NSMCE4A: variants seen among roughly 807,000 people sequenced by gnomAD.
The protein encoded by NSMCE4A is NSE4A component of SMC5/6 complex, also known as non-structural maintenance of chromosomes element 4 homolog A.
In NSMCE4A, 40 loss-of-function variants were observed where a neutral mutation model predicts 47.9. The ratio of observed to expected loss-of-function variants is 0.83; its 90% CI spans 0.65 to 1.09. The LOEUF is 1.09. NSMCE4A is among the 50% of genes least tolerant of loss of function. The pLI, the probability that NSMCE4A is intolerant of heterozygous loss-of-function variation, is 0.00. For synonymous variants in NSMCE4A, 166 were observed against 178.5 expected (o/e 0.93, Z 0.56); for missense variants, 500 against 507.0 (o/e 0.99, Z 0.13).
At chr10:121,973,502 A>T (rs1411135636) in intron 2 of NSMCE4A, among the ~76,000 whole-genome samples, 4 of 151,942 alleles carry the variant, frequency 2.6e-5, no homozygotes, top group African/African-American at 2.4e-5. Context: ...TCTCTCACTC[A>T]CTCACTCACA....
chr10:121,962,832 G>A (rs987922354), intron 6 of NSMCE4A, among the ~76,000 whole-genome samples: 6 of 151,962 alleles, frequency 3.9e-5, no homozygotes, highest in East Asian at 1.9e-4. Context: ...GGCGGGTATC[G>A]AACTCCCAAC....
Position 121,975,057 on chromosome 10 carries a change from TG to T in NSMCE4A, c.108del (p.Arg37GlyfsTer31). On this transcript the variant is annotated frameshift_variant, in exon 1 of 11. Coordinates refer to ENST00000369023, the MANE Select transcript of NSMCE4A (RefSeq NM_017615.3). LOFTEE classifies it high-confidence loss of function. ...SRSRSRSPLS[P>X]RSRRGSARER... ...TCCCGCGCAGAGCCGCGGCGGGACCTGGGCGACAAAGGGGACCGCGAGCGGG... is the reference window on the plus strand; with the variant it reads ...TCCCGCGCAGAGCCGCGGCGGGACCTGGCGACAAAGGGGACCGCGAGCGGG... The T allele has an allele frequency of 6.8e-7, 1 of 1,460,152 alleles. No homozygotes were observed. Among genetic ancestry groups the T allele is most frequent in the Non-Finnish European group, 9.0e-7 (1 of 1,114,710 alleles). The allele number at this position is 1,460,152 out of a possible 1,614,324, so 90.4% of individuals were successfully genotyped here.
At chr10:121,963,597 A>ATT (rs34978817) in intron 5 of NSMCE4A, among the ~76,000 whole-genome samples, 23 of 148,538 alleles carry the variant, frequency 1.5e-4, no homozygotes, top group South Asian at 4.3e-4. Flanking sequence ...CACCTGGCTA[A>ATT]TTTTTTTTTT....
chr10:121,967,546 G>A (rs940238222), intron 4 of NSMCE4A, 109 bp downstream of exon 4: 15 of 1,179,246 alleles, frequency 1.3e-5, no homozygotes, highest in African/African-American at 6.2e-5. Context: ...TCCAAACAAC[G>A]GCATCATGAC....
intron 5 of NSMCE4A, 78 bp downstream of exon 5, chr10:121,965,208 G>T: frequency 3.0e-6 from 3 of 1,003,932 alleles, no homozygotes; most frequent in South Asian, 1.5e-5. Flanking sequence ...AGAAAAAATG[G>T]CCAAATTGCA....
chr10:121,960,393 C>T lies in NSMCE4A; in HGVS notation c.953G>A (p.Arg318Lys). 2 of 1,503,436 alleles carry T rather than the reference C, an allele frequency of 1.3e-6. No homozygotes were observed. Among genetic ancestry groups the T allele is most frequent in the Non-Finnish European group, 8.8e-7 (1 of 1,139,890 alleles). 93.1% of individuals were successfully genotyped at this position (1,503,436 alleles called of 1,614,324 possible). The change falls in exon 8 of 11, where the codon AGA (arginine) becomes AAA (lysine). Residue 318 changes from arginine (R) to lysine (K), a missense_variant. Coordinates refer to ENST00000369023, the MANE Select transcript of NSMCE4A (RefSeq NM_017615.3). This position sits in a 1 kb window ranked among gnomAD's most constrained non-coding sequence, Gnocchi z 4.2. The stretch of plus-strand genomic sequence containing the variant: ...CAGTCGGTCTTGGTCAAGTCTTATT[C>T]TTGCAAAACCATCCTAAAACGAAAA... Reference protein sequence around the residue: ...VSFIIRDGFARIRLDQDRLPV... With the variant: ...VSFIIRDGFAKIRLDQDRLPV...
chr10:121,959,756 T>A (rs1952464745), intron 8 of NSMCE4A, 161 bp from the exon 9 acceptor site: 1 of 606,634 alleles, frequency 1.6e-6, no homozygotes, highest in African/African-American at 1.9e-5. Flanking sequence ...GCTGCTGTAG[T>A]ATTATTACAG....
At chr10:121,961,564 TATCA>T in intron 6 of NSMCE4A, 47 bp from the exon 7 acceptor site, 1 of 1,149,866 alleles carries the variant, frequency 8.7e-7, no homozygotes, top group Admixed American at 2.7e-5. Context: ...TTGTCATTAA[TATCA>T]GTACACTCTA....
At chr10:121,973,489 ATC>A (rs1230595661) in intron 2 of NSMCE4A, among the ~76,000 whole-genome samples, 1 of 152,086 alleles carries the variant, frequency 6.6e-6, no homozygotes, top group African/African-American at 2.4e-5. Context: ...GTGCTCTGGG[ATC>A]TCTCTCACTC....
In NSMCE4A at chr10:121,967,783, C is replaced by T. The variant is rs779107611; in HGVS notation, c.525G>A (p.Pro175=). The change falls in exon 4 of 11, where the codon CCG becomes CCA. Residue 175 remains proline (P), a synonymous_variant. Coordinates refer to ENST00000369023, the MANE Select transcript of NSMCE4A (RefSeq NM_017615.3). ...CACGGATGAGTTCTTCAGCTTCTAG[C>T]GGATTTACACCCATATGTGTGAGCT... ...ETLLTHMGVN[P]LEAEELIRDE... 23 of 1,612,934 alleles carry T rather than the reference C, an allele frequency of 1.4e-5. No individual in the cohort carries two copies. Among genetic ancestry groups the T allele is most frequent in the Middle Eastern group, 1.6e-4 (1 of 6,072 alleles).
intron 2 of NSMCE4A, among the ~76,000 whole-genome samples, chr10:121,973,082 A>G (rs1436151490): frequency 6.6e-6 from 1 of 152,056 alleles, no homozygotes; most frequent in East Asian, 1.9e-4. Flanking sequence ...CTAAAAATAC[A>G]AAAATTAGCT....
intron 2 of NSMCE4A, among the ~76,000 whole-genome samples, chr10:121,971,280 G>A (rs1358207877): frequency 2.6e-5 from 4 of 152,108 alleles, no homozygotes; most frequent in South Asian, 4.1e-4. Flanking sequence ...GGAGGCCAAG[G>A]CGGGCGGATC....
intron 5 of NSMCE4A, among the ~76,000 whole-genome samples, chr10:121,963,752 C>G (rs1413197600): frequency 6.6e-6 from 1 of 151,976 alleles, no homozygotes; most frequent in Non-Finnish European, 1.5e-5. Context: ...TGGTGACAGG[C>G]GCCTGTACTC....
chr10:121,959,705 TTATAA>T (rs975619390), intron 8 of NSMCE4A, 110 bp from the exon 9 acceptor site: 3 of 700,860 alleles, frequency 4.3e-6, no homozygotes, highest in Non-Finnish European at 7.3e-6. Flanking sequence ...GAAAAGATAC[TTATAA>T]TATTACATAC....
At position 121,971,972 on chromosome 10, in the gene NSMCE4A, G is replaced by C. The variant is rs573369035; in HGVS notation, c.371-903C>G. On this transcript the variant is annotated intron_variant, in intron 2 of 10. Coordinates refer to ENST00000369023, the MANE Select transcript of NSMCE4A (RefSeq NM_017615.3). Reference sequence around the variant, plus strand: ...ACCCGAGGACGGATACTCAAAAAAGGCTTGACAGAGGACATGGGATTTAAG... The same window carrying C: ...ACCCGAGGACGGATACTCAAAAAAGCCTTGACAGAGGACATGGGATTTAAG... Among the ~76,000 whole-genome samples, 15 of 152,290 alleles carry C rather than the reference G, an allele frequency of 9.8e-5. No homozygotes were observed. In the South Asian group the frequency reaches 1.9e-3, roughly 19 times the overall value.
At chr10:121,969,714 CTGATTGAT>C (rs757523201) in intron 3 of NSMCE4A, among the ~76,000 whole-genome samples, 10 of 152,096 alleles carry the variant, frequency 6.6e-5, no homozygotes, top group African/African-American at 2.2e-4. Flanking sequence ...GACAGATTGA[CTGATTGAT>C]TGATTGATTT....
chr10:121,975,010 G>A lies in NSMCE4A; in HGVS notation c.156C>T (p.Arg52=). ...ACGGCTCTGTGTCCTCCAGGCTCGG[G>A]CGCTCTGGGGCCTCTCTGCGCTCCC... The part of the protein sequence containing the change: ...SARERREAPE[R]PSLEDTEPSD... Residue 52 remains arginine (R), a synonymous_variant, in exon 1 of 11, where the codon CGC becomes CGT. Coordinates refer to ENST00000369023, the MANE Select transcript of NSMCE4A (RefSeq NM_017615.3). 1.3e-6 allele frequency: 2 copies of A among 1,505,466 alleles called. No individual in the cohort carries two copies. Among genetic ancestry groups the A allele is most frequent in the East Asian group, 2.8e-5 (1 of 35,292 alleles). The allele number at this position is 1,505,466 out of a possible 1,614,324, so 93.3% of individuals were successfully genotyped here.
intron 3 of NSMCE4A, among the ~76,000 whole-genome samples, chr10:121,970,620 C>A (rs60404488): frequency 0.032 from 4,895 of 152,134 alleles, 153 homozygotes; most frequent in African/African-American, 0.078. Context: ...GGCTTTTGTC[C>A]AGCCCAGGAC....
intron 10 of NSMCE4A, among the ~76,000 whole-genome samples, chr10:121,959,017 G>A (rs887232299): frequency 3.3e-5 from 5 of 152,116 alleles, no homozygotes; most frequent in African/African-American, 1.2e-4. Flanking sequence ...GTTTTACCAT[G>A]TTGGTCAGGC....
Sources: allele counts gnomAD v4.1 joint callset (sites outside exome capture counted in the v4.1 genomes callset), GRCh38; gene constraint gnomAD v4.1.1; non-coding constraint Gnocchi (gnomAD v3.1); transcripts MANE v1.5; gene names NCBI Gene and HGNC (gene_info 2026-07-23, HGNC 2026-07-21).